The following SLC39A12 variants were observed in gnomAD, a reference collection of about 807,000 sequenced individuals.
SLC39A12 encodes the protein solute carrier family 39 member 12, also known as zinc transporter ZIP12.
A neutral mutation model predicts 71.1 loss-of-function variants in SLC39A12; 63 were observed. The ratio of observed to expected loss-of-function variants is 0.89; its 90% CI spans 0.72 to 1.09. The LOEUF (loss-of-function observed/expected upper bound fraction) is 1.09. Among genes scored for constraint, SLC39A12 ranks in the 50% least tolerant of loss-of-function variants. SLC39A12 has a pLI of 0.00. For missense variants in SLC39A12, 892 were observed against 812.6 expected (o/e 1.10, Z -1.19); for synonymous variants, 351 against 301.3 (o/e 1.16, Z -1.71).
At position 17,993,267 on chromosome 10, in the gene SLC39A12, C is replaced by G; in HGVS notation, c.1509C>G (p.Gly503=). 1 of 1,551,740 alleles carries G rather than the reference C, an allele frequency of 6.4e-7. No individual in the cohort carries two copies. The highest frequency in any genetic ancestry group is 1.2e-5 in the South Asian group (1 of 84,022). ...NSELSDQAGR[G]KSASTIQLKS... is the part of the protein sequence containing the mutation. The stretch of plus-strand genomic sequence containing the variant: ...AATTAAGTGACCAGGCAGGCAGAGG[C>G]AAATCTGCTTCAACTATCCAGTTGG... Residue 503 remains glycine, a synonymous_variant, in exon 9 of 13, where the codon GGC becomes GGG. Coordinates refer to ENST00000377369, the MANE Select transcript of SLC39A12 (RefSeq NM_001145195.2).
intron 12 of SLC39A12, among the ~76,000 whole-genome samples, chr10:18,033,068 AT>A (rs1278422103): frequency 2.7e-5 from 4 of 150,318 alleles, no homozygotes; most frequent in African/African-American, 9.8e-5. Flanking sequence ...TTTATTGAGG[AT>A]TTTTGCATCA....
chr10:17,959,866 A>G (rs1488357964), intron 2 of SLC39A12, among the ~76,000 whole-genome samples: 1 of 152,040 alleles, frequency 6.6e-6, no homozygotes, highest in African/African-American at 2.4e-5. Flanking sequence ...AGTGGAGGGG[A>G]GGAAAGACTT....
intron 2 of SLC39A12, among the ~76,000 whole-genome samples, chr10:17,960,358 T>A (rs1834656475): frequency 6.6e-6 from 1 of 152,226 alleles, no homozygotes. Context: ...GAATCCTTCC[T>A]GTACCTGCTG....
At chr10:18,030,272 T>C (rs1371938582) in intron 12 of SLC39A12, among the ~76,000 whole-genome samples, 3 of 151,982 alleles carry the variant, frequency 2.0e-5, no homozygotes, top group East Asian at 3.8e-4. Context: ...TTCTTTCTTT[T>C]TTTTTTTTGA....
chr10:18,036,792 A>ATTTTT lies in SLC39A12; in HGVS notation c.1948-5912_1948-5911insTTTTT, dbSNP rs1176352939. 4.4e-4 allele frequency among the ~76,000 whole-genome samples: 37 copies of ATTTTT among 84,606 alleles called. 1 individual carries two copies. The highest frequency in any genetic ancestry group is 1.1e-3 in the African/African-American group (22 of 20,754). 55.5% of individuals were successfully genotyped at this position (84,606 alleles called of 152,430 possible). A position where few individuals can be genotyped will look rare whatever the true frequency, so the allele number is the denominator to read the frequency against. On this transcript the variant is annotated intron_variant, in intron 12 of 12. Transcript: ENST00000377369. ...TATATATATATATATATATATATAT[A>ATTTTT]TATTTTTTTTTTTAATGGAATCTCA...
chr10:18,037,999 A>G lies in SLC39A12; in HGVS notation c.1948-4706A>G, dbSNP rs982566349. On this transcript the variant is annotated intron_variant, in intron 12 of 12. Transcript: ENST00000377369. ...CACACCAATGCACTCCAGCCTAGTG[A>G]CAGAGTGAGCCTCCATCTCAAAAAA... Among the ~76,000 whole-genome samples the G allele has an allele frequency of 3.2e-5, 4 of 125,900 alleles. 1 individual carries two copies. The Middle Eastern group carries it at 0.014, about 437-fold the overall frequency. The allele number at this position is 125,900 out of a possible 152,430, so 82.6% of individuals were successfully genotyped here.
chr10:18,015,629 T>C (rs2488109), intron 12 of SLC39A12, among the ~76,000 whole-genome samples: 67,421 of 139,550 alleles, frequency 0.48, 15,547 homozygotes, highest in Non-Finnish European at 0.53. Context: ...TAGTTTTTCC[T>C]TCTTTTTTAT....
chr10:17,961,507 G>C lies in SLC39A12; in HGVS notation c.262-74G>C, dbSNP rs533431305. On this transcript the variant is annotated intron_variant, in intron 2 of 12. Coordinates refer to ENST00000377369, the MANE Select transcript of SLC39A12 (RefSeq NM_001145195.2). ...TAAAATGATAAGCAATGAAGACCCTGGTGGTCATTAGTGTTCTGGAACTAT... is the reference window on the plus strand; with the variant it reads ...TAAAATGATAAGCAATGAAGACCCTCGTGGTCATTAGTGTTCTGGAACTAT... 4.3e-6 allele frequency: 6 copies of C among 1,393,354 alleles called. No homozygotes were observed. In the African/African-American group the frequency reaches 4.3e-5, roughly 10 times the overall value. The allele number at this position is 1,393,354 out of a possible 1,614,324, so 86.3% of individuals were successfully genotyped here. A position where few individuals can be genotyped will look rare whatever the true frequency, so the allele number is the denominator to read the frequency against.
chr10:18,018,100 T>A (rs1191388642), intron 12 of SLC39A12, among the ~76,000 whole-genome samples: 1 of 152,180 alleles, frequency 6.6e-6, no homozygotes, highest in Non-Finnish European at 1.5e-5. Context: ...CTTGTGCACA[T>A]TTTGTTAGAT....
Position 18,000,673 on chromosome 10 carries a change from C to A in SLC39A12, c.1607C>A (p.Ala536Asp), listed in dbSNP as rs765605310. The A allele has an allele frequency of 2.5e-6, 4 of 1,614,068 alleles. No individual in the cohort carries two copies. In the South Asian group the frequency reaches 4.4e-5, roughly 18 times the overall value. The change falls in exon 11 of 13, where the codon GCC becomes GAC. Residue 536 changes from alanine to aspartate, a missense_variant. Ala to Asp is a moderately radical substitution (Grantham distance 126). Transcript: ENST00000377369. ...SMTASNRKCK[A>D]ISLLAIMILV... ...TGTTTATTTGGTTCCTTAGGTAAAG[C>A]CATTAGCTTGTTAGCAATCATGATT...
chr10:17,960,616 G>T (rs1208606085), intron 2 of SLC39A12, among the ~76,000 whole-genome samples: 2 of 152,310 alleles, frequency 1.3e-5, no homozygotes, highest in East Asian at 1.9e-4. Flanking sequence ...GGTTCTCATA[G>T]AGAAGAGAGA....
intron 12 of SLC39A12, among the ~76,000 whole-genome samples, chr10:18,013,577 GC>G (rs1426956518): frequency 6.6e-6 from 1 of 152,004 alleles, no homozygotes; most frequent in Non-Finnish European, 1.5e-5. Context: ...TCACTATGTT[GC>G]CCAGGCTTGT....
intron 12 of SLC39A12, among the ~76,000 whole-genome samples, chr10:18,020,141 C>T (rs964581144): frequency 6.6e-6 from 1 of 152,008 alleles, no homozygotes; most frequent in African/African-American, 2.4e-5. Flanking sequence ...TCACCCTCCA[C>T]CTTAATTAAG....
At chr10:18,022,826 G>C (rs189683203) in intron 12 of SLC39A12, among the ~76,000 whole-genome samples, 100 of 152,320 alleles carry the variant, frequency 6.6e-4, no homozygotes, top group African/African-American at 2.3e-3. Context: ...GATGTTTCCA[G>C]AGGGCCAAGG....
chr10:17,982,678 C>T (rs1835290679), intron 6 of SLC39A12, among the ~76,000 whole-genome samples: 2 of 152,132 alleles, frequency 1.3e-5, no homozygotes, highest in African/African-American at 2.4e-5. Context: ...CAGTGAGGCT[C>T]AGAAAATGGA....
At chr10:18,024,727 GAATA>G (rs1175214345) in intron 12 of SLC39A12, among the ~76,000 whole-genome samples, 1 of 152,060 alleles carries the variant, frequency 6.6e-6, no homozygotes, top group East Asian at 1.9e-4. Flanking sequence ...ATCTAGTTGT[GAATA>G]AATCTATTTT....
intron 12 of SLC39A12, among the ~76,000 whole-genome samples, chr10:18,029,206 C>A (rs1301275035): frequency 6.6e-6 from 1 of 152,110 alleles, no homozygotes; most frequent in Non-Finnish European, 1.5e-5. Context: ...CTAAAATGTT[C>A]AGAAATGCTA....
intron 12 of SLC39A12, among the ~76,000 whole-genome samples, chr10:18,004,682 C>T (rs1393149806): frequency 1.3e-5 from 2 of 152,084 alleles, no homozygotes; most frequent in Admixed American, 6.5e-5. Context: ...TGAGAACATT[C>T]TAATTTTGAT....
chr10:17,972,360 T>A (rs1834997202), intron 4 of SLC39A12, among the ~76,000 whole-genome samples: 2 of 152,152 alleles, frequency 1.3e-5, no homozygotes, highest in Admixed American at 6.5e-5. Context: ...TTTGGTTGTA[T>A]AGTGCAGATG....
Sources: gnomAD v4.1 joint callset for allele counts (sites outside exome capture counted in the v4.1 genomes callset) on GRCh38, gnomAD v4.1.1 for gene constraint, MANE v1.5 for transcripts, NCBI Gene and HGNC (gene_info 2026-07-23, HGNC 2026-07-21) for gene names.